FBXO15: variants seen among roughly 807,000 people sequenced by gnomAD.
FBXO15 encodes the protein F-box only protein 15.
A neutral mutation model predicts 49.5 loss-of-function variants in FBXO15; 30 were observed. The observed-to-expected ratio is 0.61, with a 90% confidence interval of 0.45 to 0.82. The LOEUF (loss-of-function observed/expected upper bound fraction) is 0.82. Ranked by LOEUF, FBXO15 falls within the 40% of genes least tolerant of loss-of-function variation. FBXO15 has a pLI of 0.00. For synonymous variants in FBXO15, 250 were observed against 232.7 expected, an observed-to-expected ratio of 1.07 and a Z score of -0.68; for missense variants, 591 against 631.5, an observed-to-expected ratio of 0.94 and a Z score of 0.69.
intron 8 of FBXO15, among the ~76,000 whole-genome samples, chr18:74,094,841 A>T (rs888009612): frequency 7.9e-5 from 12 of 152,248 alleles, no homozygotes; most frequent in African/African-American, 2.4e-4. Flanking sequence ...AGTCCTCGAT[A>T]GTGGCTCCTT....
intron 8 of FBXO15, among the ~76,000 whole-genome samples, chr18:74,104,670 C>T (rs188468974): frequency 2.8e-4 from 42 of 152,084 alleles, no homozygotes; most frequent in South Asian, 8.3e-4. Context: ...ATAAAATAGA[C>T]GGTAATAATG....
chr18:74,090,150 G>C (rs1599140647), intron 8 of FBXO15, among the ~76,000 whole-genome samples: 1 of 152,080 alleles, frequency 6.6e-6, no homozygotes, highest in East Asian at 1.9e-4. Flanking sequence ...TCTTGGGAGG[G>C]TGTATGCGCC....
intron 8 of FBXO15, among the ~76,000 whole-genome samples, chr18:74,092,468 G>C (rs2187372): frequency 0.14 from 21,274 of 152,232 alleles, 1,872 homozygotes; most frequent in East Asian, 0.28. Flanking sequence ...TGAGTTGCCA[G>C]AGTTCTTGCA....
rs769632008 is a variant in FBXO15 at position 74,147,827 on chromosome 18, CGA to C, written c.-44_-43del. ...CCACAGGACCGCGCCAGGGCTGAAA[CGA>C]AGAGTGCACGCACCGCCCCCACGCC... On this transcript the variant is annotated 5_prime_UTR_variant, in exon 1 of 10. Transcript: ENST00000419743. 37 of 1,473,090 alleles carry C rather than the reference CGA, an allele frequency of 2.5e-5. No homozygotes were observed. The South Asian group carries it at 4.5e-4, about 18-fold the overall frequency. 91.3% of individuals were successfully genotyped at this position (1,473,090 alleles called of 1,614,324 possible). A position where few individuals can be genotyped will look rare whatever the true frequency, so the allele number is the denominator to read the frequency against.
intron 8 of FBXO15, among the ~76,000 whole-genome samples, chr18:74,103,649 G>A (rs960890504): frequency 3.3e-5 from 5 of 152,052 alleles, no homozygotes; most frequent in Admixed American, 6.6e-5. Flanking sequence ...TAACGTAAAA[G>A]AGCACAAATT....
chr18:74,116,613 T>C (rs959174298), intron 8 of FBXO15, among the ~76,000 whole-genome samples: 6 of 152,186 alleles, frequency 3.9e-5, no homozygotes, highest in Non-Finnish European at 7.3e-5. Flanking sequence ...GTCTGGACAC[T>C]GCAACTGGTC....
chr18:74,093,517 A>C (rs1276659148), intron 8 of FBXO15, among the ~76,000 whole-genome samples: 1 of 152,216 alleles, frequency 6.6e-6, no homozygotes, highest in East Asian at 1.9e-4. Context: ...AAGGGTGCTC[A>C]GGTGAGTCTG....
At position 74,073,691 on chromosome 18, in the gene FBXO15, C is replaced by T. The variant is rs754747711; in HGVS notation, c.1303G>A (p.Gly435Arg). The T allele has an allele frequency of 1.2e-6, 2 of 1,613,812 alleles. No individual in the cohort carries two copies. Among genetic ancestry groups the T allele is most frequent in the Non-Finnish European group, 1.7e-6 (2 of 1,179,966 alleles). The change falls in exon 10 of 10, where the codon GGG becomes AGG. Residue 435 changes from glycine (G) to arginine (R), a missense_variant. Coordinates refer to ENST00000419743, the MANE Select transcript of FBXO15 (RefSeq NM_001142958.2). The stretch of plus-strand genomic sequence containing the variant: ...GAACTGAAACACCAAAAGGGTTTCC[C>T]ATGTTCATCCAAAAGAGTTACGTCC... ...MMDVTLLDEH[G>R]KPFWCFSSPV... is the part of the protein sequence containing the mutation.
intron 8 of FBXO15, among the ~76,000 whole-genome samples, chr18:74,107,074 T>C (rs1568167069): frequency 6.6e-6 from 1 of 152,006 alleles, no homozygotes; most frequent in Non-Finnish European, 1.5e-5. Flanking sequence ...TGCTTCTTTA[T>C]AAATTCTACA....
At chr18:74,139,015 C>G (rs1056751283) in intron 2 of FBXO15, among the ~76,000 whole-genome samples, 1 of 152,166 alleles carries the variant, frequency 6.6e-6, no homozygotes, top group Non-Finnish European at 1.5e-5. Context: ...GATGGGCTCC[C>G]CGACCCCCAC....
Position 74,130,400 on chromosome 18 carries a change from G to A in FBXO15, c.575+16C>T. On this transcript the variant is annotated intron_variant, in intron 4 of 9. Coordinates refer to ENST00000419743, the MANE Select transcript of FBXO15 (RefSeq NM_001142958.2). ...TGAGCTGATGCCATCATTCTCTTTT[G>A]GAACACACTGCGTACCTGAGGGCCT... 1 of 1,613,402 alleles carries A rather than the reference G, an allele frequency of 6.2e-7. No individual in the cohort carries two copies. The highest frequency in any genetic ancestry group is 8.5e-7 in the Non-Finnish European group (1 of 1,179,642).
At chr18:74,080,294 C>T (rs182516091) in intron 9 of FBXO15, among the ~76,000 whole-genome samples, 28 of 152,304 alleles carry the variant, frequency 1.8e-4, no homozygotes, top group Admixed American at 1.3e-3. Context: ...ATTCTGAGGA[C>T]GGCTTAGTCT....
chr18:74,104,488 A>C (rs947196360), intron 8 of FBXO15, among the ~76,000 whole-genome samples: 2 of 152,140 alleles, frequency 1.3e-5, no homozygotes, highest in Admixed American at 6.5e-5. Context: ...GCAGAGTGGC[A>C]GAATGGATAA....
intron 9 of FBXO15, among the ~76,000 whole-genome samples, chr18:74,077,078 T>G (rs1912284549): frequency 6.6e-6 from 1 of 152,180 alleles, no homozygotes; most frequent in African/African-American, 2.4e-5. Context: ...GTGCTGAAAC[T>G]GACTCGGCCC....
chr18:74,119,918 T>C (rs1376676464), intron 8 of FBXO15, among the ~76,000 whole-genome samples: 2 of 152,178 alleles, frequency 1.3e-5, no homozygotes, highest in Admixed American at 6.5e-5. Flanking sequence ...ACCTCATCTC[T>C]GTGGAAATCG....
Position 74,107,762 on chromosome 18 carries a change from T to G in FBXO15, c.1138+15606A>C, listed in dbSNP as rs573627600. 6.6e-5 allele frequency among the ~76,000 whole-genome samples: 10 copies of G among 152,282 alleles called. No individual in the cohort carries two copies. The South Asian group carries it at 2.1e-3, about 32-fold the overall frequency. On this transcript the variant is annotated intron_variant, in intron 8 of 9. Transcript: ENST00000419743. ...CTCACAGTGAGTATCAGAAAAATATTCCTCTATTCCTCTGGAAAAGGGAGG... is the reference window on the plus strand; with the variant it reads ...CTCACAGTGAGTATCAGAAAAATATGCCTCTATTCCTCTGGAAAAGGGAGG...
At chr18:74,083,040 A>G (rs1393659692) in intron 8 of FBXO15, among the ~76,000 whole-genome samples, 1 of 152,194 alleles carries the variant, frequency 6.6e-6, no homozygotes, top group East Asian at 1.9e-4. Context: ...TAAAGCCCAC[A>G]CTTTGCCTGG....
chr18:74,147,371 C>A (rs936656298), intron 1 of FBXO15, among the ~76,000 whole-genome samples: 11 of 152,232 alleles, frequency 7.2e-5, no homozygotes, highest in African/African-American at 2.6e-4. Flanking sequence ...GGCACGCATC[C>A]CGGAGAAACG....
rs145068026 is a variant in FBXO15 at position 74,092,859 on chromosome 18, G to GAGC, written c.1139-10811_1139-10809dup. ...AGGATCCATGCTTGTTTGCATGGGC[G>GAGC]AGCAGCAGCAGCAGCAGCACAGCAG... On this transcript the variant is annotated intron_variant, in intron 8 of 9. Coordinates refer to ENST00000419743, the MANE Select transcript of FBXO15 (RefSeq NM_001142958.2). Among the ~76,000 whole-genome samples the GAGC allele has an allele frequency of 3.1e-3, 465 of 152,126 alleles. 2 individuals carry two copies. Among genetic ancestry groups the GAGC allele is most frequent in the African/African-American group, 0.011 (446 of 41,494 alleles).
Sources: gnomAD v4.1 joint callset for allele counts (sites outside exome capture counted in the v4.1 genomes callset) on GRCh38, gnomAD v4.1.1 for gene constraint, MANE v1.5 for transcripts, NCBI Gene and HGNC (gene_info 2026-07-23, HGNC 2026-07-21) for gene names.